Variants in CNTN4 observed in about 807,000 individuals in gnomAD.
CNTN4 encodes contactin 4.
In CNTN4, 77 loss-of-function variants were observed where a neutral mutation model predicts 122.5. The ratio of observed to expected loss-of-function variants is 0.63; its 90% CI spans 0.52 to 0.76. The LOEUF is 0.76. Ranked by LOEUF, CNTN4 falls within the 30% of genes least tolerant of loss-of-function variation. CNTN4 has a pLI of 0.00. For synonymous variants in CNTN4, 512 were observed against 447.0 expected (o/e 1.15, Z -1.83); for missense variants, 1,256 against 1,259.1 (o/e 1.00, Z 0.04).
chr3:2,828,309 G>A (rs1187756623), intron 7 of CNTN4, among the ~76,000 whole-genome samples: 1 of 152,032 alleles, frequency 6.6e-6, no homozygotes, highest in African/African-American at 2.4e-5. Context: ...CGACTTCCCT[G>A]AGAGATGCCT....
At chr3:2,624,861 T>C (rs961635540) in intron 4 of CNTN4, among the ~76,000 whole-genome samples, 2 of 152,018 alleles carry the variant, frequency 1.3e-5, no homozygotes, top group Admixed American at 1.3e-4. Context: ...CTCGAACTCC[T>C]GGCCTCAATG....
chr3:2,842,063 T>C (rs2093371113), intron 7 of CNTN4, among the ~76,000 whole-genome samples: 1 of 152,184 alleles, frequency 6.6e-6, no homozygotes, highest in African/African-American at 2.4e-5. Context: ...AAAATATTCT[T>C]AATGAGCATT....
chr3:2,387,143 C>G (rs2046283783), intron 3 of CNTN4, among the ~76,000 whole-genome samples: 1 of 152,046 alleles, frequency 6.6e-6, no homozygotes, highest in African/African-American at 2.4e-5. Context: ...TAAAACTTAT[C>G]TGATAGTAAA....
intron 4 of CNTN4, among the ~76,000 whole-genome samples, chr3:2,595,182 A>G (rs2080709580): frequency 6.6e-6 from 1 of 152,234 alleles, no homozygotes; most frequent in Non-Finnish European, 1.5e-5. Flanking sequence ...GTTGGCTAAT[A>G]TTACACAATT....
intron 2 of CNTN4, among the ~76,000 whole-genome samples, chr3:2,256,414 A>G (rs1043874848): frequency 6.6e-6 from 1 of 152,220 alleles, no homozygotes; most frequent in Admixed American, 6.5e-5. Context: ...CAATAGAAAA[A>G]GAGGGAATCC....
intron 2 of CNTN4, among the ~76,000 whole-genome samples, chr3:2,265,763 TA>T (rs201986970): frequency 1.2e-4 from 12 of 102,564 alleles, no homozygotes; most frequent in Admixed American, 7.5e-4. Flanking sequence ...TATATATATA[TA>T]TTTTTTTTTG....
At chr3:2,383,988 G>A (rs1036929171) in intron 3 of CNTN4, among the ~76,000 whole-genome samples, 1 of 152,094 alleles carries the variant, frequency 6.6e-6, no homozygotes, top group Non-Finnish European at 1.5e-5. Flanking sequence ...ATGACTGACT[G>A]TAATAACTAT....
intron 23 of CNTN4, among the ~76,000 whole-genome samples, chr3:3,044,081 T>G (rs913384837): frequency 6.6e-5 from 10 of 152,218 alleles, no homozygotes; most frequent in Admixed American, 1.3e-4. Flanking sequence ...TACCAATGAT[T>G]AATCATTTTT....
intron 3 of CNTN4, among the ~76,000 whole-genome samples, chr3:2,553,914 A>G (rs2078616568): frequency 6.6e-6 from 1 of 152,198 alleles, no homozygotes; most frequent in Non-Finnish European, 1.5e-5. Context: ...TAACTGTATG[A>G]ATTAACAACT....
intron 6 of CNTN4, among the ~76,000 whole-genome samples, chr3:2,800,447 C>T (rs946588185): frequency 6.6e-6 from 1 of 152,090 alleles, no homozygotes; most frequent in African/African-American, 2.4e-5. Context: ...CACTAAAGTT[C>T]TTATTATCTG....
At chr3:2,726,456 A>G (rs999215536) in intron 4 of CNTN4, among the ~76,000 whole-genome samples, 9 of 152,186 alleles carry the variant, frequency 5.9e-5, no homozygotes, top group Non-Finnish European at 8.8e-5. Context: ...GGGTTGGTTC[A>G]CCAAAGAAAG....
chr3:2,620,504 A>AAT (rs201945554), intron 4 of CNTN4, among the ~76,000 whole-genome samples: 2,942 of 151,468 alleles, frequency 0.019, 59 homozygotes, highest in African/African-American at 0.047. Flanking sequence ...TGTATCCAAA[A>AAT]ATATATATAT....
chr3:3,006,388 C>T (rs1696652007), intron 14 of CNTN4, among the ~76,000 whole-genome samples: 2 of 152,056 alleles, frequency 1.3e-5, no homozygotes, highest in South Asian at 4.1e-4. Context: ...GACCACATGA[C>T]CAGGTCTCCT....
At chr3:3,010,992 C>T (rs773022818) in intron 14 of CNTN4, among the ~76,000 whole-genome samples, 51 of 152,192 alleles carry the variant, frequency 3.4e-4, no homozygotes, top group African/African-American at 9.6e-5. Flanking sequence ...CCCATCCTCT[C>T]ACGTTTATCA....
In CNTN4 at chr3:2,575,591, A is replaced by C. The variant is rs2079626067; in HGVS notation, c.55+4033A>C. Among the ~76,000 whole-genome samples the C allele has an allele frequency of 2.0e-5, 3 of 152,152 alleles. No individual in the cohort carries two copies. In the South Asian group the frequency reaches 6.2e-4, roughly 32 times the overall value. On this transcript the variant is annotated intron_variant, in intron 4 of 24. Coordinates refer to ENST00000418658, the MANE Select transcript of CNTN4 (RefSeq NM_175607.3). ...TTATACTAACTTTCTTTTGTCAAGA[A>C]TGCTCTTGCCTTAAATGTCCCCAGG...
chr3:2,133,847 C>T (rs1360516507), intron 2 of CNTN4, among the ~76,000 whole-genome samples: 2 of 152,038 alleles, frequency 1.3e-5, no homozygotes, highest in East Asian at 1.9e-4. Context: ...CTTTAACAAT[C>T]TTTTGATTTA....
At chr3:2,439,736 T>C (rs2048369560) in intron 3 of CNTN4, among the ~76,000 whole-genome samples, 1 of 152,012 alleles carries the variant, frequency 6.6e-6, no homozygotes, top group South Asian at 2.1e-4. Flanking sequence ...AAAGGAATTA[T>C]GGAGAAGAGA....
chr3:2,628,954 T>C (rs767722635), intron 4 of CNTN4, among the ~76,000 whole-genome samples: 1 of 152,162 alleles, frequency 6.6e-6, no homozygotes, highest in Non-Finnish European at 1.5e-5. Flanking sequence ...GGAGGCCTAT[T>C]TGAGTAAAAA....
intron 3 of CNTN4, among the ~76,000 whole-genome samples, chr3:2,567,697 T>C (rs1423074199): frequency 6.6e-6 from 1 of 152,224 alleles, no homozygotes; most frequent in African/African-American, 2.4e-5. Context: ...TCTACGCTTT[T>C]CATTTTCTTG....
Sources: allele counts gnomAD v4.1 joint callset (sites outside exome capture counted in the v4.1 genomes callset), GRCh38; gene constraint gnomAD v4.1.1; transcripts MANE v1.5; gene names NCBI Gene and HGNC (gene_info 2026-07-23, HGNC 2026-07-21).